The following CKM variants were observed in gnomAD, a reference collection of about 807,000 sequenced individuals.
The protein encoded by CKM is creatine kinase M-type.
Under a neutral mutation model 35.4 loss-of-function variants are expected in CKM, and 28 were observed. The ratio of observed to expected loss-of-function variants is 0.79; its 90% CI spans 0.59 to 1.08. CKM has a LOEUF of 1.08. Among genes scored for constraint, CKM ranks in the 50% least tolerant of loss-of-function variants. The pLI is 0.00. For missense variants in CKM, 484 were observed against 509.8 expected, an observed-to-expected ratio of 0.95 and a Z score of 0.49; for synonymous variants, 215 against 204.4, an observed-to-expected ratio of 1.05 and a Z score of -0.44.
intron 4 of CKM, 103 bp from the exon 5 acceptor site, chr19:45,312,023 T>A: frequency 7.5e-7 from 1 of 1,341,242 alleles, no homozygotes; most frequent in Non-Finnish European, 1.0e-6. Context: ...GCCTGGGCCT[T>A]GGCCCCCTGG....
intron 3 of CKM, among the ~76,000 whole-genome samples, chr19:45,316,772 CT>C (rs200321145): frequency 1.1e-4 from 17 of 148,178 alleles, no homozygotes; most frequent in African/African-American, 3.7e-4. Flanking sequence ...TCCCCCCACC[CT>C]TTTTTTTTTA....
intron 1 of CKM, 99 bp from the exon 2 acceptor site, chr19:45,319,830 A>G (rs1463065885): frequency 2.0e-5 from 20 of 1,021,054 alleles, no homozygotes; most frequent in South Asian, 1.5e-4. Context: ...TCGCTCTGTC[A>G]CCCAGGCTGG....
intron 1 of CKM, among the ~76,000 whole-genome samples, chr19:45,320,823 T>C (rs1599821236): frequency 6.6e-6 from 1 of 152,096 alleles, no homozygotes; most frequent in East Asian, 1.9e-4. Context: ...AAAGATTAAA[T>C]GTGTGAATAC....
chr19:45,315,400 C>A (rs1971147130), intron 4 of CKM, 65 bp downstream of exon 4: 2 of 1,568,248 alleles, frequency 1.3e-6, no homozygotes, highest in Non-Finnish European at 1.7e-6. Flanking sequence ...ACCCGAGGAC[C>A]TGCCCATGGA....
chr19:45,311,365 C>G (rs1320670362), intron 5 of CKM, among the ~76,000 whole-genome samples: 2 of 152,022 alleles, frequency 1.3e-5, no homozygotes, highest in African/African-American at 4.8e-5. Flanking sequence ...TCCCAAGTAG[C>G]TGGGACTACA....
chr19:45,314,702 T>C (rs1270718893), intron 4 of CKM, among the ~76,000 whole-genome samples: 2 of 151,924 alleles, frequency 1.3e-5, no homozygotes, highest in Admixed American at 1.3e-4. Context: ...TGTGAGCCAC[T>C]GTGCCTGGCC....
intron 2 of CKM, among the ~76,000 whole-genome samples, chr19:45,319,286 C>G (rs748618966): frequency 6.6e-6 from 1 of 152,168 alleles, no homozygotes; most frequent in Non-Finnish European, 1.5e-5. Flanking sequence ...GGAGGTGAAC[C>G]GACCTCCTTG....
chr19:45,314,527 C>T (rs1252257720), intron 4 of CKM, among the ~76,000 whole-genome samples: 1 of 151,956 alleles, frequency 6.6e-6, no homozygotes, highest in Non-Finnish European at 1.5e-5. Context: ...GATTCTCCTG[C>T]CTCAGTCTCC....
chr19:45,321,315 C>G (rs1482330296), intron 1 of CKM, among the ~76,000 whole-genome samples: 1 of 150,966 alleles, frequency 6.6e-6, no homozygotes, highest in Non-Finnish European at 1.5e-5. Context: ...AGACAAAGGG[C>G]TGGGTCGGGG....
In CKM at chr19:45,306,786, G is replaced by T. The variant is rs147729252; in HGVS notation, c.1110C>A (p.Gly370=). ...CGGGGATCATGTCGTCAATGGACTGGCCTTTCTCCAACTTCTTCTCCATTT... is the reference window on the plus strand; with the variant it reads ...CGGGGATCATGTCGTCAATGGACTGTCCTTTCTCCAACTTCTTCTCCATTT... The part of the protein sequence containing the change: ...MVEMEKKLEK[G]QSIDDMIPAQ... The change falls in exon 8 of 8, where the codon GGC becomes GGA. Residue 370 remains glycine (G), a synonymous_variant. Coordinates refer to ENST00000221476, the MANE Select transcript of CKM (RefSeq NM_001824.5). This position sits in a 1 kb window ranked among gnomAD's most constrained non-coding sequence, Gnocchi z 4.5. 3 of 1,614,178 alleles carry T rather than the reference G, an allele frequency of 1.9e-6. No homozygotes were observed. The highest frequency in any genetic ancestry group is 2.5e-6 in the Non-Finnish European group (3 of 1,180,028).
chr19:45,311,391 G>A lies in CKM; in HGVS notation c.653+358C>T, dbSNP rs547096854. Among the ~76,000 whole-genome samples, 10 of 151,750 alleles carry A rather than the reference G, an allele frequency of 6.6e-5. No homozygotes were observed. In the East Asian group the frequency reaches 2.0e-3, roughly 30 times the overall value. On this transcript the variant is annotated intron_variant, in intron 5 of 7. Transcript: ENST00000221476. The stretch of plus-strand genomic sequence containing the variant: ...TGGGACTACAGGCGCCTGCCACTAC[G>A]CCCAGCTAAATTTTTGTCATTTTTA...
Position 45,306,849 on chromosome 19 carries a change from C to T in CKM, c.1047G>A (p.Gln349=). 6.2e-7 allele frequency: 1 copy of T among 1,614,206 alleles called. No individual in the cohort carries two copies. Among genetic ancestry groups the T allele is most frequent in the Non-Finnish European group, 8.5e-7 (1 of 1,180,046 alleles). The part of the protein sequence containing the change: ...ADRLGSSEVE[Q]VQLVVDGVKL... ...TCACACCATCCACCACCAGCTGCAC[C>T]TGTTCTACTTCGGACGAGCCCAGCC... Residue 349 remains glutamine (Q), a synonymous_variant, in exon 8 of 8, where the codon CAG becomes CAA. Coordinates refer to ENST00000221476, the MANE Select transcript of CKM (RefSeq NM_001824.5). The surrounding 1 kb of genome is among the most constrained non-coding windows in gnomAD (Gnocchi z 4.5).
intron 2 of CKM, among the ~76,000 whole-genome samples, chr19:45,318,839 A>G (rs1971184076): frequency 6.7e-6 from 1 of 149,886 alleles, no homozygotes; most frequent in African/African-American, 2.5e-5. Flanking sequence ...CAACCATAAC[A>G]TTAATAACAT....
rs775228590 is a variant in CKM, at chr19:45,306,964, C to T, written c.968-36G>A. The T allele has an allele frequency of 1.1e-5, 18 of 1,609,052 alleles. No homozygotes were observed. The East Asian group carries it at 2.0e-4, about 18-fold the overall frequency. On this transcript the variant is annotated intron_variant, in intron 7 of 7. Transcript: ENST00000221476. The surrounding 1 kb of genome is among the most constrained non-coding windows in gnomAD (Gnocchi z 4.5). ...AAGGGACAGGGGCGTGAAGAGGCAG[C>T]GAAGGTGCAGAGGGGCTGGGACGTG...
chr19:45,322,415 C>A lies in CKM; in HGVS notation c.-19+406G>T, dbSNP rs757800480. Among the ~76,000 whole-genome samples, 52 of 152,194 alleles carry A rather than the reference C, an allele frequency of 3.4e-4. 1 individual carries two copies. On this transcript the variant is annotated intron_variant, in intron 1 of 7. Transcript: ENST00000221476. Reference sequence around the variant, plus strand: ...CAGTAGCAAACGCAAAGAAAGCCTGCGACACCTGCTCTTGCAGACTCTGCT... The same window carrying A: ...CAGTAGCAAACGCAAAGAAAGCCTGAGACACCTGCTCTTGCAGACTCTGCT...
Position 45,319,578 on chromosome 19 carries a change from C to T in CKM, c.136G>A (p.Glu46Lys). The change falls in exon 2 of 8, where the codon GAG (glutamate) becomes AAG (lysine). Residue 46 changes from glutamate to lysine, a missense_variant. Coordinates refer to ENST00000221476, the MANE Select transcript of CKM (RefSeq NM_001824.5). The stretch of plus-strand genomic sequence containing the variant: ...TCTACAGTGAAGCCAGATGGAGTCT[C>T]CTTGTCCCGCAGCTTCTTGTAGAGT... ...LELYKKLRDK[E>K]TPSGFTVDDV... 6.2e-7 allele frequency: 1 copy of T among 1,614,116 alleles called. No individual in the cohort carries two copies. The highest frequency in any genetic ancestry group is 8.5e-7 in the Non-Finnish European group (1 of 1,180,016).
At chr19:45,308,352 A>G in intron 6 of CKM, 57 bp downstream of exon 6, 1 of 1,610,678 alleles carries the variant, frequency 6.2e-7, no homozygotes, top group Non-Finnish European at 8.5e-7. Flanking sequence ...GGCCTCGGAA[A>G]GCAGGTGGGG....
At chr19:45,314,575 A>C (rs1971139816) in intron 4 of CKM, among the ~76,000 whole-genome samples, 1 of 150,574 alleles carries the variant, frequency 6.6e-6, no homozygotes, top group Non-Finnish European at 1.5e-5. Flanking sequence ...CACCAGACCC[A>C]GCTGATTTTT....
chr19:45,310,207 G>A (rs1308372689), intron 5 of CKM, among the ~76,000 whole-genome samples: 2 of 132,896 alleles, frequency 1.5e-5, no homozygotes, highest in Non-Finnish European at 3.1e-5. Flanking sequence ...TTCAAGCTCC[G>A]CCTCCCGGGT....
Sources: gnomAD v4.1 joint callset for allele counts (sites outside exome capture counted in the v4.1 genomes callset) on GRCh38, gnomAD v4.1.1 for gene constraint, Gnocchi (gnomAD v3.1) non-coding constraint, MANE v1.5 for transcripts, NCBI Gene and HGNC (gene_info 2026-07-23, HGNC 2026-07-21) for gene names.